The following MICU2 variants were observed in gnomAD, a reference collection of about 807,000 sequenced individuals.
MICU2 encodes the protein calcium uptake protein 2, mitochondrial.
In MICU2, 64 loss-of-function variants were observed where a neutral mutation model predicts 60.4. The ratio of observed to expected loss-of-function variants is 1.06; its 90% CI spans 0.87 to 1.31. MICU2 has a LOEUF of 1.31. Among genes scored for constraint, MICU2 ranks in the 50% most tolerant of loss-of-function variants. The pLI, the probability that MICU2 is intolerant of heterozygous loss-of-function variation, is 0.00. For synonymous variants in MICU2, 201 were observed against 175.0 expected (o/e 1.15, Z -1.17); for missense variants, 569 against 531.0 (o/e 1.07, Z -0.70).
chr13:21,600,871 C>A (rs1464726166), intron 1 of MICU2, among the ~76,000 whole-genome samples: 6 of 152,040 alleles, frequency 3.9e-5, no homozygotes, highest in African/African-American at 1.4e-4. Flanking sequence ...ATCTCGGCTC[C>A]CTGCAAGCTC....
intron 2 of MICU2, among the ~76,000 whole-genome samples, chr13:21,555,310 AG>A (rs1887679147): frequency 1.3e-5 from 2 of 152,210 alleles, no homozygotes; most frequent in Admixed American, 6.5e-5. Flanking sequence ...CACATCAAAA[AG>A]CTTATCCACC....
chr13:21,585,022 C>T (rs954513721), intron 1 of MICU2, among the ~76,000 whole-genome samples: 2 of 152,156 alleles, frequency 1.3e-5, no homozygotes, highest in African/African-American at 2.4e-5. Context: ...ATTTGTTGTT[C>T]TTTCCCCCAG....
chr13:21,521,014 A>C (rs1886704457), intron 6 of MICU2, among the ~76,000 whole-genome samples: 1 of 152,172 alleles, frequency 6.6e-6, no homozygotes, highest in Non-Finnish European at 1.5e-5. Flanking sequence ...TGTAACCCTA[A>C]AAAACAGATG....
At chr13:21,500,090 G>A (rs534014312) in intron 9 of MICU2, among the ~76,000 whole-genome samples, 2 of 152,150 alleles carry the variant, frequency 1.3e-5, no homozygotes, top group Non-Finnish European at 2.9e-5. Context: ...ACTAAGATGA[G>A]GGTCCTCAGC....
intron 1 of MICU2, among the ~76,000 whole-genome samples, chr13:21,580,423 T>G (rs1229320418): frequency 6.6e-6 from 1 of 152,156 alleles, no homozygotes; most frequent in Non-Finnish European, 1.5e-5. Flanking sequence ...CTTTTAAAAC[T>G]TATTGGCGAA....
At chr13:21,526,246 G>A (rs1886853260) in intron 4 of MICU2, among the ~76,000 whole-genome samples, 1 of 149,966 alleles carries the variant, frequency 6.7e-6, no homozygotes, top group African/African-American at 2.5e-5. Context: ...GAGCCACTGT[G>A]CCCAGCTTTC....
At chr13:21,528,845 GA>G (rs1886919313) in intron 4 of MICU2, among the ~76,000 whole-genome samples, 1 of 152,162 alleles carries the variant, frequency 6.6e-6, no homozygotes. Context: ...ACAATTCCCA[GA>G]AGAAGTGAAG....
chr13:21,557,346 T>G (rs1887732502), intron 2 of MICU2, among the ~76,000 whole-genome samples: 1 of 151,770 alleles, frequency 6.6e-6, no homozygotes, highest in African/African-American at 2.4e-5. Flanking sequence ...AGAAGGGAAA[T>G]GGTATTCTGG....
chr13:21,601,060 T>A lies in MICU2; in HGVS notation c.210+2879A>T, dbSNP rs555362960. ...ATCCGCCCATCTCGGCCTCCCAAAG[T>A]GCTGGGATTACAGGCGTGAGCCACC... On this transcript the variant is annotated intron_variant, in intron 1 of 11. Coordinates refer to ENST00000382374, the MANE Select transcript of MICU2 (RefSeq NM_152726.3). Among the ~76,000 whole-genome samples the A allele has an allele frequency of 2.6e-5, 4 of 152,304 alleles. No individual in the cohort carries two copies. In the East Asian group the frequency reaches 5.8e-4, roughly 22 times the overall value.
chr13:21,511,651 G>A (rs950406736), intron 7 of MICU2, among the ~76,000 whole-genome samples: 4 of 152,038 alleles, frequency 2.6e-5, no homozygotes, highest in African/African-American at 9.7e-5. Flanking sequence ...TTCACCACAA[G>A]GATTCCTCAT....
At chr13:21,538,124 G>A (rs1483163332) in intron 4 of MICU2, among the ~76,000 whole-genome samples, 4 of 151,898 alleles carry the variant, frequency 2.6e-5, no homozygotes, top group Non-Finnish European at 2.9e-5. Context: ...CTCTGTTCAT[G>A]ACCATGTCTC....
At chr13:21,570,174 C>T (rs928664749) in intron 1 of MICU2, among the ~76,000 whole-genome samples, 1 of 152,134 alleles carries the variant, frequency 6.6e-6, no homozygotes, top group African/African-American at 2.4e-5. Flanking sequence ...GAATGTGTTT[C>T]TTTGCTACAA....
intron 6 of MICU2, among the ~76,000 whole-genome samples, chr13:21,518,328 T>G (rs1190131108): frequency 6.6e-6 from 1 of 152,228 alleles, no homozygotes; most frequent in Non-Finnish European, 1.5e-5. Context: ...TCTATTGCCT[T>G]TTTTCATGTT....
intron 8 of MICU2, among the ~76,000 whole-genome samples, chr13:21,507,728 C>G (rs937558034): frequency 6.6e-6 from 1 of 151,756 alleles, no homozygotes; most frequent in Non-Finnish European, 1.5e-5. Flanking sequence ...CTCAGCCTCC[C>G]AAGTAGCTGG....
intron 8 of MICU2, among the ~76,000 whole-genome samples, chr13:21,506,426 C>T (rs1004995715): frequency 1.3e-5 from 2 of 152,214 alleles, no homozygotes; most frequent in African/African-American, 4.8e-5. Context: ...CTATAACTAA[C>T]TGCACATAGT....
chr13:21,548,893 T>TG (rs1358301722), intron 2 of MICU2, among the ~76,000 whole-genome samples: 1 of 134,924 alleles, frequency 7.4e-6, no homozygotes, highest in Non-Finnish European at 1.6e-5. Flanking sequence ...CTTCCCAGGG[T>TG]GGGGGAGGAG....
intron 4 of MICU2, among the ~76,000 whole-genome samples, chr13:21,528,001 T>C (rs1203446197): frequency 1.3e-5 from 2 of 152,208 alleles, no homozygotes; most frequent in Non-Finnish European, 2.9e-5. Flanking sequence ...TCCAAAGAGA[T>C]TGGATTATCC....
intron 1 of MICU2, among the ~76,000 whole-genome samples, chr13:21,595,916 A>T (rs1257489562): frequency 1.3e-5 from 2 of 152,198 alleles, no homozygotes; most frequent in Non-Finnish European, 2.9e-5. Flanking sequence ...CCCTGTGAGT[A>T]TTACTCTCTT....
At chr13:21,603,847 G>A (rs1888885779) in intron 1 of MICU2, 92 bp downstream of exon 1, 6 of 1,402,526 alleles carry the variant, frequency 4.3e-6, no homozygotes, top group Non-Finnish European at 5.8e-6. Flanking sequence ...ACGGCTCCGG[G>A]AGAGCCGCCC....
Sources: allele counts gnomAD v4.1 joint callset (sites outside exome capture counted in the v4.1 genomes callset), GRCh38; gene constraint gnomAD v4.1.1; transcripts MANE v1.5; gene names NCBI Gene and HGNC (gene_info 2026-07-23, HGNC 2026-07-21).